DGKG: variants seen among roughly 807,000 people sequenced by gnomAD.
DGKG encodes diacylglycerol kinase gamma.
In DGKG, 78 loss-of-function variants were observed where a neutral mutation model predicts 105.3. The observed-to-expected ratio is 0.74, with a 90% CI of 0.62 to 0.89. The LOEUF (loss-of-function observed/expected upper bound fraction) is 0.89. Ranked by LOEUF, DGKG falls within the 40% of genes least tolerant of loss-of-function variation. The probability of loss-of-function intolerance (pLI) is 0.00; values close to 1 mark genes in which losing one functional copy is unlikely to be tolerated. For missense variants in DGKG, 958 were observed against 1,020.1 expected, an observed-to-expected ratio of 0.94 and a Z score of 0.83; for synonymous variants, 346 against 367.1, an observed-to-expected ratio of 0.94 and a Z score of 0.66.
In DGKG at chr3:186,210,116, C is replaced by G. The variant is rs999159648; in HGVS notation, c.1917+1679G>C. ...CCAGAGGGGACTGTGGGGCCTGGAG[C>G]CGGGAGGGCAGGCCAGAGGCAGGGG... On this transcript the variant is annotated intron_variant, in intron 21 of 24. Coordinates refer to ENST00000265022, the MANE Select transcript of DGKG (RefSeq NM_001346.3). This position sits in a 1 kb window ranked among gnomAD's most constrained non-coding sequence, Gnocchi z 5.2. Among the ~76,000 whole-genome samples, 2 of 152,162 alleles carry G rather than the reference C, an allele frequency of 1.3e-5. No homozygotes were observed. The highest frequency in any genetic ancestry group is 2.9e-5 in the Non-Finnish European group (2 of 68,034).
intron 3 of DGKG, among the ~76,000 whole-genome samples, chr3:186,305,870 TG>T (rs1292094300): frequency 6.6e-6 from 1 of 152,268 alleles, no homozygotes; most frequent in African/African-American, 2.4e-5. Flanking sequence ...TTTACTGAAA[TG>T]GAGTAGACTG....
chr3:186,179,160 A>G (rs535449068), intron 22 of DGKG, among the ~76,000 whole-genome samples: 1 of 152,318 alleles, frequency 6.6e-6, no homozygotes, highest in African/African-American at 2.4e-5. Context: ...GTTCTAGTGC[A>G]GGGATTGACT....
rs983254199 is a variant in DGKG, at chr3:186,304,051, T to C, written c.144+2850A>G. On this transcript the variant is annotated intron_variant, in intron 3 of 24. Coordinates refer to ENST00000265022, the MANE Select transcript of DGKG (RefSeq NM_001346.3). ...CAGCAGTGCCTGGCATTACAAAAAG[T>C]GGGGGCCAGCCCCGACAGAGGCGAG... Among the ~76,000 whole-genome samples, 6 of 152,232 alleles carry C rather than the reference T, an allele frequency of 3.9e-5. No homozygotes were observed. The East Asian group carries it at 1.2e-3, about 29-fold the overall frequency.
In DGKG at chr3:186,284,474, G is replaced by T. The variant is rs894400568; in HGVS notation, c.594+186C>A. ...AGCGAAAAGGTAAGTTGGCATTCACGCTCTGCAAGGCCGGCCCTTTGGAAA... is the reference window on the plus strand; with the variant it reads ...AGCGAAAAGGTAAGTTGGCATTCACTCTCTGCAAGGCCGGCCCTTTGGAAA... On this transcript the variant is annotated intron_variant, in intron 7 of 24. Transcript: ENST00000265022. This position sits in a 1 kb window ranked among gnomAD's most constrained non-coding sequence, Gnocchi z 4.0. Among the ~76,000 whole-genome samples the T allele has an allele frequency of 6.6e-5, 10 of 152,156 alleles. No individual in the cohort carries two copies. Among genetic ancestry groups the T allele is most frequent in the African/African-American group, 2.4e-4 (10 of 41,448 alleles).
At chr3:186,192,895 CT>C in intron 21 of DGKG, among the ~76,000 whole-genome samples, 1 of 152,330 alleles carries the variant, frequency 6.6e-6, no homozygotes, top group South Asian at 2.1e-4. Context: ...CAGCACAGTC[CT>C]TGACAAATAG....
At chr3:186,202,233 A>C (rs1444059991) in intron 21 of DGKG, among the ~76,000 whole-genome samples, 1 of 152,234 alleles carries the variant, frequency 6.6e-6, no homozygotes. Context: ...GAGATATAAC[A>C]CGTGTGTGTG....
At chr3:186,190,133 T>C (rs1717834975) in intron 21 of DGKG, among the ~76,000 whole-genome samples, 1 of 152,216 alleles carries the variant, frequency 6.6e-6, no homozygotes, top group Non-Finnish European at 1.5e-5. Context: ...AGTTCACAAC[T>C]TACAAGTGGA....
intron 1 of DGKG, among the ~76,000 whole-genome samples, chr3:186,335,447 T>G (rs1017645408): frequency 1.3e-5 from 2 of 152,220 alleles, no homozygotes; most frequent in Admixed American, 1.3e-4. Flanking sequence ...TCCAGAAATG[T>G]TAGACATAAA....
intron 1 of DGKG, among the ~76,000 whole-genome samples, chr3:186,348,149 CTTT>C: frequency 6.6e-6 from 1 of 152,010 alleles, no homozygotes; most frequent in Non-Finnish European, 1.5e-5. Flanking sequence ...TATGTATCTT[CTTT>C]GTTGAGAGTA....
At position 186,312,584 on chromosome 3, in the gene DGKG, G is replaced by C. The variant is rs969467378; in HGVS notation, c.68-5607C>G. 2.0e-5 allele frequency among the ~76,000 whole-genome samples: 3 copies of C among 152,292 alleles called. No individual in the cohort carries two copies. In the East Asian group the frequency reaches 5.8e-4, roughly 29 times the overall value. On this transcript the variant is annotated intron_variant, in intron 2 of 24. Transcript: ENST00000265022. ...TCAATGGAGTAGAAAGACCATAAGT[G>C]GTGGGCAGGGGGAGTCACTGAGACG...
At chr3:186,302,566 G>GTATATA (rs199559070) in intron 3 of DGKG, among the ~76,000 whole-genome samples, 23 of 114,750 alleles carry the variant, frequency 2.0e-4, no homozygotes, top group African/African-American at 8.7e-4. Context: ...ATACACATAT[G>GTATATA]TATATATATA....
intron 17 of DGKG, among the ~76,000 whole-genome samples, chr3:186,253,398 A>G (rs1721317206): frequency 6.6e-6 from 1 of 152,204 alleles, no homozygotes; most frequent in South Asian, 2.1e-4. Context: ...TTTGTATTTT[A>G]TATTGAGCTA....
chr3:186,285,315 ACATTTATATATGG>A (rs1280801167), intron 6 of DGKG, among the ~76,000 whole-genome samples: 2 of 152,230 alleles, frequency 1.3e-5, no homozygotes, highest in African/African-American at 4.8e-5. Context: ...TTTCAAATGA[ACATTTATATATGG>A]CATTTAACAT....
At chr3:186,307,248 A>G (rs1455387169) in intron 2 of DGKG, among the ~76,000 whole-genome samples, 1 of 152,244 alleles carries the variant, frequency 6.6e-6, no homozygotes, top group African/African-American at 2.4e-5. Flanking sequence ...TTCCCCCAGG[A>G]TAAAGCTTAC....
intron 16 of DGKG, among the ~76,000 whole-genome samples, chr3:186,259,107 G>A (rs1404833840): frequency 3.7e-4 from 38 of 103,070 alleles, no homozygotes; most frequent in African/African-American, 1.1e-4. Context: ...TCTCCGACGG[G>A]ACTCTCCGAC....
chr3:186,166,553 G>A (rs1303982315), intron 22 of DGKG, among the ~76,000 whole-genome samples: 3 of 152,164 alleles, frequency 2.0e-5, no homozygotes, highest in African/African-American at 4.8e-5. Context: ...TTACCAAAGA[G>A]GGTTGAATAA....
At chr3:186,190,344 C>T (rs1335043411) in intron 21 of DGKG, among the ~76,000 whole-genome samples, 1 of 152,130 alleles carries the variant, frequency 6.6e-6, no homozygotes, top group African/African-American at 2.4e-5. Flanking sequence ...TTGGCAAGAC[C>T]CCCAACATTG....
intron 2 of DGKG, among the ~76,000 whole-genome samples, chr3:186,313,049 C>T (rs995575097): frequency 1.3e-5 from 2 of 152,266 alleles, no homozygotes; most frequent in South Asian, 2.1e-4. Context: ...GCTGGTCACA[C>T]TTGTCCCACA....
chr3:186,296,272 G>T (rs1247151984), intron 5 of DGKG, among the ~76,000 whole-genome samples: 2 of 152,134 alleles, frequency 1.3e-5, no homozygotes, highest in Non-Finnish European at 2.9e-5. Context: ...ATCTCACTTA[G>T]GGACACTGAG....
Sources: gnomAD v4.1 joint callset for allele counts (sites outside exome capture counted in the v4.1 genomes callset) on GRCh38, gnomAD v4.1.1 for gene constraint, Gnocchi (gnomAD v3.1) non-coding constraint, MANE v1.5 for transcripts, NCBI Gene and HGNC (gene_info 2026-07-23, HGNC 2026-07-21) for gene names.